Variants in LAMC3 observed in about 807,000 individuals in gnomAD.
LAMC3 encodes laminin subunit gamma 3.
Under a neutral mutation model 173.8 loss-of-function variants are expected in LAMC3, and 128 were observed. That is an observed-to-expected ratio of 0.74 (90% CI 0.64 to 0.85). The LOEUF is 0.85. Among genes scored for constraint, LAMC3 ranks in the 40% least tolerant of loss-of-function variants. The pLI is 0.00. For missense variants in LAMC3, 2,022 were observed against 2,156.0 expected, an observed-to-expected ratio of 0.94 and a Z score of 1.23; for synonymous variants, 897 against 909.1, an observed-to-expected ratio of 0.99 and a Z score of 0.24.
At position 131,036,634 on chromosome 9, in the gene LAMC3, C is replaced by T. The variant is rs1170375984; in HGVS notation, c.976+302C>T. On this transcript the variant is annotated intron_variant, in intron 4 of 27. Transcript: ENST00000361069. ...TGCTTCTTTGTGTTAACCGCTCCCA[C>T]CCCAGCTGCTAATCGGAACCAGGCT... is the stretch of plus-strand genomic sequence containing the variant. 5.3e-5 allele frequency among the ~76,000 whole-genome samples: 8 copies of T among 152,184 alleles called. No individual in the cohort carries two copies. The East Asian group carries it at 1.5e-3, about 29-fold the overall frequency.
At chr9:131,030,488 C>T (rs1833805478) in intron 2 of LAMC3, among the ~76,000 whole-genome samples, 1 of 152,288 alleles carries the variant, frequency 6.6e-6, no homozygotes, top group South Asian at 2.1e-4. Context: ...AGACCAGCCT[C>T]GTGGTTAAAG....
At chr9:131,056,505 AT>A (rs539036705) in intron 11 of LAMC3, among the ~76,000 whole-genome samples, 5,861 of 151,172 alleles carry the variant, frequency 0.039, 432 homozygotes, top group African/African-American at 0.14. Flanking sequence ...AAAAATAAAA[AT>A]AAAAATCAAC....
At chr9:131,053,189 G>A (rs1026234292) in intron 11 of LAMC3, among the ~76,000 whole-genome samples, 1 of 152,262 alleles carries the variant, frequency 6.6e-6, no homozygotes, top group Admixed American at 6.5e-5. Context: ...GGAATGGACA[G>A]GAGAGAGGCC....
At chr9:131,084,735 A>G (rs916101373) in intron 24 of LAMC3, among the ~76,000 whole-genome samples, 1 of 107,698 alleles carries the variant, frequency 9.3e-6, no homozygotes, top group Admixed American at 8.4e-5. Context: ...CATCTCTACT[A>G]AAAAAAAAAA....
At position 131,038,818 on chromosome 9, in the gene LAMC3, C is replaced by T. The variant is rs1159804348; in HGVS notation, c.977-46C>T. On this transcript the variant is annotated intron_variant, in intron 4 of 27. Coordinates refer to ENST00000361069, the MANE Select transcript of LAMC3 (RefSeq NM_006059.4). ...TGACTGACACAGATGCAGCCTCCTA[C>T]CACATCACAGGGGACTCACACACCT... 22 of 1,591,996 alleles carry T rather than the reference C, an allele frequency of 1.4e-5. No individual in the cohort carries two copies. The Admixed American group carries it at 2.5e-4, about 18-fold the overall frequency.
Position 131,009,602 on chromosome 9 carries a change from G to T in LAMC3, c.373+15G>T. The T allele has an allele frequency of 1.3e-6, 2 of 1,562,920 alleles. No individual in the cohort carries two copies. The highest frequency in any genetic ancestry group is 2.4e-5 in the East Asian group (1 of 41,936). On this transcript the variant is annotated intron_variant, in intron 1 of 27. Coordinates refer to ENST00000361069, the MANE Select transcript of LAMC3 (RefSeq NM_006059.4). This position sits in a 1 kb window ranked among gnomAD's most constrained non-coding sequence, Gnocchi z 4.3. ...CCTCCGCCTAGGTAAGCGCGGGCTGGGGGCACCGCCACCGCACCCCGTGTC... is the reference window on the plus strand; with the variant it reads ...CCTCCGCCTAGGTAAGCGCGGGCTGTGGGCACCGCCACCGCACCCCGTGTC...
At chr9:131,057,292 G>A (rs761997503) in intron 12 of LAMC3, 145 bp downstream of exon 12, 3 of 721,328 alleles carry the variant, frequency 4.2e-6, no homozygotes, top group Non-Finnish European at 7.4e-6. Context: ...GCTTTCCCGT[G>A]CTGCTCAGTG....
chr9:131,045,439 C>G (rs1248229196), intron 7 of LAMC3, 85 bp from the exon 8 acceptor site: 1 of 1,490,922 alleles, frequency 6.7e-7, no homozygotes, highest in African/African-American at 1.4e-5. Flanking sequence ...TCTAGACTCT[C>G]ATTGGTCCAG....
intron 1 of LAMC3, among the ~76,000 whole-genome samples, chr9:131,011,987 G>A (rs1273996987): frequency 6.6e-6 from 1 of 151,956 alleles, no homozygotes; most frequent in Non-Finnish European, 1.5e-5. Context: ...GAAGCAGAGT[G>A]GTTCTGATCC....
intron 8 of LAMC3, among the ~76,000 whole-genome samples, chr9:131,047,755 C>T (rs1176445914): frequency 2.0e-5 from 3 of 151,138 alleles, no homozygotes; most frequent in Admixed American, 6.6e-5. Flanking sequence ...CCCAGCTACT[C>T]GGGAGGCTGA....
intron 21 of LAMC3, 78 bp downstream of exon 21, chr9:131,076,043 G>A (rs906005511): frequency 1.4e-6 from 2 of 1,405,862 alleles, no homozygotes; most frequent in Admixed American, 2.3e-5. Flanking sequence ...AAGGCTGCTG[G>A]TTCCAGAGCC....
chr9:131,082,200 G>T (rs369540777), intron 24 of LAMC3, 39 bp downstream of exon 24: 3 of 1,460,976 alleles, frequency 2.1e-6, no homozygotes, highest in South Asian at 1.2e-5. Context: ...GTGTAATGAC[G>T]AACGCCCCTG....
intron 24 of LAMC3, among the ~76,000 whole-genome samples, chr9:131,083,719 C>T (rs1190954276): frequency 1.3e-5 from 2 of 152,164 alleles, no homozygotes; most frequent in African/African-American, 4.8e-5. Context: ...CCACACAATA[C>T]ATGCTGAGAA....
At chr9:131,037,436 C>T (rs909919804) in intron 4 of LAMC3, among the ~76,000 whole-genome samples, 6 of 152,194 alleles carry the variant, frequency 3.9e-5, no homozygotes, top group Admixed American at 3.9e-4. Flanking sequence ...CTGGCCCTGC[C>T]TCCTCTCCCT....
intron 4 of LAMC3, among the ~76,000 whole-genome samples, chr9:131,037,140 C>T (rs1833961603): frequency 6.6e-6 from 1 of 152,190 alleles, no homozygotes; most frequent in Admixed American, 6.5e-5. Flanking sequence ...TGGCCTGCCT[C>T]CACCAGAGAG....
At chr9:131,064,595 C>T (rs1429779892) in intron 13 of LAMC3, among the ~76,000 whole-genome samples, 3 of 149,958 alleles carry the variant, frequency 2.0e-5, no homozygotes, top group Non-Finnish European at 4.4e-5. Context: ...CCCCGGGGGG[C>T]GGAGCCTGCA....
intron 3 of LAMC3, among the ~76,000 whole-genome samples, 153 bp downstream of exon 3, chr9:131,032,328 G>A (rs1483623768): frequency 2.0e-5 from 3 of 151,956 alleles, no homozygotes; most frequent in Non-Finnish European, 2.9e-5. Flanking sequence ...GGCCCTGGGG[G>A]TCCACACCCA....
At chr9:131,046,180 C>CT (rs61108655) in intron 8 of LAMC3, among the ~76,000 whole-genome samples, 2,159 of 76,554 alleles carry the variant, frequency 0.028, 290 homozygotes, top group Non-Finnish European at 0.037. Flanking sequence ...AGTTTTGCTC[C>CT]TTTTTTTTTT....
intron 20 of LAMC3, 128 bp from the exon 21 acceptor site, chr9:131,075,703 C>A: frequency 9.9e-7 from 1 of 1,013,958 alleles, no homozygotes; most frequent in Non-Finnish European, 1.5e-6. Flanking sequence ...GTGGAAAAGG[C>A]GTACCTGTCT....
Sources: gnomAD v4.1 joint callset for allele counts (sites outside exome capture counted in the v4.1 genomes callset) on GRCh38, gnomAD v4.1.1 for gene constraint, Gnocchi (gnomAD v3.1) non-coding constraint, MANE v1.5 for transcripts, NCBI Gene and HGNC (gene_info 2026-07-23, HGNC 2026-07-21) for gene names.